Variants in FSTL5 observed in about 807,000 individuals in gnomAD.
The protein encoded by FSTL5 is follistatin-related protein 5.
A neutral mutation model predicts 89.1 loss-of-function variants in FSTL5; 62 were observed. The ratio of observed to expected loss-of-function variants is 0.70; its 90% CI spans 0.57 to 0.86. The LOEUF (loss-of-function observed/expected upper bound fraction) is 0.86. FSTL5 is among the 40% of genes least tolerant of loss of function. The pLI is 0.00. For synonymous variants in FSTL5, 383 were observed against 346.2 expected, an observed-to-expected ratio of 1.11 and a Z score of -1.18; for missense variants, 1,057 against 1,001.6, an observed-to-expected ratio of 1.06 and a Z score of -0.75.
intron 1 of FSTL5, among the ~76,000 whole-genome samples, chr4:162,161,698 T>C (rs1733702215): frequency 6.6e-6 from 1 of 151,878 alleles, no homozygotes; most frequent in Admixed American, 6.6e-5. Context: ...TTAGGTACAT[T>C]TTGAGTAAAT....
intron 15 of FSTL5, among the ~76,000 whole-genome samples, chr4:161,429,882 CAACA>C (rs1215454597): frequency 6.6e-6 from 1 of 151,914 alleles, no homozygotes; most frequent in Non-Finnish European, 1.5e-5. Context: ...TGTTTTAATC[CAACA>C]AACTAAATAA....
chr4:161,443,698 G>C (rs1456628053), intron 15 of FSTL5, among the ~76,000 whole-genome samples: 2 of 151,968 alleles, frequency 1.3e-5, no homozygotes, highest in Non-Finnish European at 2.9e-5. Context: ...TAAACGACTA[G>C]AGGAGCAGGA....
chr4:161,901,132 A>G (rs1733350015), intron 4 of FSTL5, among the ~76,000 whole-genome samples: 1 of 152,100 alleles, frequency 6.6e-6, no homozygotes, highest in Non-Finnish European at 1.5e-5. Context: ...ATGCTGAGCT[A>G]TAACAACAAT....
At chr4:162,041,255 G>T (rs1297982282) in intron 2 of FSTL5, among the ~76,000 whole-genome samples, 1 of 142,050 alleles carries the variant, frequency 7.0e-6, no homozygotes, top group South Asian at 2.3e-4. Context: ...AAGTGTAAAA[G>T]CACATTCTGT....
chr4:161,717,860 T>G (rs571828133), intron 6 of FSTL5, among the ~76,000 whole-genome samples: 2 of 152,290 alleles, frequency 1.3e-5, no homozygotes, highest in East Asian at 3.9e-4. Flanking sequence ...TGTTTAAAGA[T>G]ATATCATTTT....
intron 2 of FSTL5, among the ~76,000 whole-genome samples, chr4:162,039,189 C>T (rs1737854642): frequency 6.6e-6 from 1 of 151,540 alleles, no homozygotes; most frequent in African/African-American, 2.4e-5. Flanking sequence ...TAGTACTTTT[C>T]ACTATACATA....
At position 161,608,537 on chromosome 4, in the gene FSTL5, G is replaced by T. The variant is rs912518664; in HGVS notation, c.895-20962C>A. On this transcript the variant is annotated intron_variant, in intron 7 of 15. Transcript: ENST00000306100. ...AGAAAAATGTGTAAAAAGAGTAATT[G>T]CAAATAAGTTATATTTCATAATTTG... is the stretch of plus-strand genomic sequence containing the variant. Among the ~76,000 whole-genome samples the T allele has an allele frequency of 2.7e-4, 41 of 151,894 alleles. 1 individual carries two copies. Among genetic ancestry groups the T allele is most frequent in the African/African-American group, 9.9e-4 (41 of 41,478 alleles).
chr4:161,801,409 T>C (rs888444666), intron 4 of FSTL5, among the ~76,000 whole-genome samples: 4 of 151,560 alleles, frequency 2.6e-5, no homozygotes, highest in Non-Finnish European at 4.4e-5. Flanking sequence ...CTCAGCTTTA[T>C]GCCTTCATGT....
At chr4:161,973,141 G>A (rs1578906217) in intron 3 of FSTL5, among the ~76,000 whole-genome samples, 1 of 152,060 alleles carries the variant, frequency 6.6e-6, no homozygotes, top group African/African-American at 2.4e-5. Flanking sequence ...ACTATTTGAT[G>A]ATGAAGTCAG....
chr4:161,442,765 CT>C (rs1732816274), intron 15 of FSTL5, among the ~76,000 whole-genome samples: 1 of 151,928 alleles, frequency 6.6e-6, no homozygotes. Flanking sequence ...GTGCCAGGAA[CT>C]GTACAAGAGG....
intron 3 of FSTL5, among the ~76,000 whole-genome samples, chr4:161,935,976 A>G (rs1734421386): frequency 5.3e-5 from 8 of 152,202 alleles, no homozygotes; most frequent in Admixed American, 5.2e-4. Flanking sequence ...TGAGGTCAGG[A>G]GGACGAGACC....
In FSTL5 at chr4:162,009,513, A is replaced by G. The variant is rs189830008; in HGVS notation, c.160+24112T>C. Among the ~76,000 whole-genome samples, 49 of 152,174 alleles carry G rather than the reference A, an allele frequency of 3.2e-4. 1 individual carries two copies. In the East Asian group the frequency reaches 7.3e-3, roughly 23 times the overall value. ...ATGCAAAAGGCTACAATTATAAAAT[A>G]TGCCACCCCAAAAAGCACTCCTTGG... is the stretch of plus-strand genomic sequence containing the variant. On this transcript the variant is annotated intron_variant, in intron 3 of 15. Transcript: ENST00000306100.
At chr4:161,500,688 G>T (rs1730263761) in intron 11 of FSTL5, among the ~76,000 whole-genome samples, 1 of 151,970 alleles carries the variant, frequency 6.6e-6, no homozygotes, top group African/African-American at 2.4e-5. Context: ...TTTAATATTG[G>T]CAATTTGGGA....
rs368496033 is a variant in FSTL5, at chr4:161,582,616, T to G, written c.1015+4839A>C. ...GACAGTACCAATTTTAGGGCTGTGG[T>G]TTTGTAACTTACCCCACCATTTCTA... On this transcript the variant is annotated intron_variant, in intron 8 of 15. Coordinates refer to ENST00000306100, the MANE Select transcript of FSTL5 (RefSeq NM_020116.5). Among the ~76,000 whole-genome samples, 7 of 152,322 alleles carry G rather than the reference T, an allele frequency of 4.6e-5. No individual in the cohort carries two copies. In the East Asian group the frequency reaches 1.3e-3, roughly 29 times the overall value.
At chr4:161,901,413 C>A (rs1392457298) in intron 4 of FSTL5, among the ~76,000 whole-genome samples, 1 of 152,062 alleles carries the variant, frequency 6.6e-6, no homozygotes, top group East Asian at 1.9e-4. Flanking sequence ...TCCTATCATG[C>A]AGATACAGTG....
At chr4:161,764,103 T>C (rs1740904861) in intron 5 of FSTL5, among the ~76,000 whole-genome samples, 1 of 152,174 alleles carries the variant, frequency 6.6e-6, no homozygotes, top group South Asian at 2.1e-4. Context: ...AGATGATCAC[T>C]GGAAACAGCA....
At chr4:162,005,922 C>T (rs1302232269) in intron 3 of FSTL5, among the ~76,000 whole-genome samples, 1 of 152,046 alleles carries the variant, frequency 6.6e-6, no homozygotes, top group Non-Finnish European at 1.5e-5. Flanking sequence ...CACATATTTA[C>T]AAAATTCTAA....
At chr4:161,430,851 A>C (rs920254353) in intron 15 of FSTL5, among the ~76,000 whole-genome samples, 1 of 152,202 alleles carries the variant, frequency 6.6e-6, no homozygotes, top group South Asian at 2.1e-4. Flanking sequence ...GCTCCAGTAC[A>C]TTGGCAGCAG....
intron 15 of FSTL5, among the ~76,000 whole-genome samples, chr4:161,389,827 T>A (rs1002961193): frequency 9.9e-5 from 15 of 152,044 alleles, no homozygotes; most frequent in African/African-American, 2.9e-4. Context: ...CAATTATTAA[T>A]CACATAAAAC....
Sources: allele counts gnomAD v4.1 joint callset (sites outside exome capture counted in the v4.1 genomes callset), GRCh38; gene constraint gnomAD v4.1.1; transcripts MANE v1.5; gene names NCBI Gene and HGNC (gene_info 2026-07-23, HGNC 2026-07-21).